The following RBM20 variants were observed in gnomAD, a reference collection of about 807,000 sequenced individuals.
RBM20 encodes RNA-binding protein 20.
A neutral mutation model predicts 110.1 loss-of-function variants in RBM20; 51 were observed. That is an observed-to-expected ratio of 0.46 (90% CI 0.37 to 0.59). The LOEUF is 0.59. Among genes scored for constraint, RBM20 ranks in the 20% least tolerant of loss-of-function variants. RBM20 has a pLI of 0.00. For synonymous variants in RBM20, 589 were observed against 618.2 expected (o/e 0.95, Z 0.70); for missense variants, 1,512 against 1,574.9 (o/e 0.96, Z 0.68).
intron 1 of RBM20, among the ~76,000 whole-genome samples, chr10:110,747,007 C>T (rs1843788691): frequency 6.6e-6 from 1 of 152,132 alleles, no homozygotes; most frequent in African/African-American, 2.4e-5. Flanking sequence ...AAACTGATAA[C>T]ATTTGATTAA....
chr10:110,667,985 T>A (rs1363116517), intron 1 of RBM20, among the ~76,000 whole-genome samples: 1 of 152,210 alleles, frequency 6.6e-6, no homozygotes, highest in Non-Finnish European at 1.5e-5. Flanking sequence ...CTTTTATTAA[T>A]AGAACATGCT....
intron 7 of RBM20, among the ~76,000 whole-genome samples, chr10:110,806,692 T>C (rs764379208): frequency 6.6e-6 from 1 of 152,208 alleles, no homozygotes; most frequent in Non-Finnish European, 1.5e-5. Context: ...AGATGGGTAA[T>C]GGATTCTTCG....
intron 1 of RBM20, among the ~76,000 whole-genome samples, chr10:110,768,741 C>CT (rs1230926193): frequency 6.6e-6 from 1 of 152,198 alleles, no homozygotes; most frequent in Non-Finnish European, 1.5e-5. Flanking sequence ...CCTCAAGGTG[C>CT]TTATAATTAG....
chr10:110,746,757 C>A (rs983948469), intron 1 of RBM20, among the ~76,000 whole-genome samples: 7 of 152,206 alleles, frequency 4.6e-5, no homozygotes, highest in Non-Finnish European at 1.0e-4. Context: ...TGGGAAATTT[C>A]TTCACCTCCC....
intron 1 of RBM20, among the ~76,000 whole-genome samples, chr10:110,660,890 C>G (rs1399726554): frequency 1.3e-5 from 2 of 152,162 alleles, no homozygotes; most frequent in African/African-American, 4.8e-5. Flanking sequence ...TTCCAAAAAA[C>G]TGGTCCCTGG....
chr10:110,747,301 G>T (rs181936486), intron 1 of RBM20, among the ~76,000 whole-genome samples: 8 of 150,802 alleles, frequency 5.3e-5, no homozygotes, highest in Non-Finnish European at 1.0e-4. Context: ...TTTTTTGGGG[G>T]GGGGGGTCAT....
intron 1 of RBM20, among the ~76,000 whole-genome samples, chr10:110,685,422 G>A (rs1862488816): frequency 1.3e-5 from 2 of 152,126 alleles, no homozygotes; most frequent in Non-Finnish European, 2.9e-5. Flanking sequence ...CTGTTCCTCT[G>A]TTGACAGCTG....
At chr10:110,721,545 C>T (rs1345248159) in intron 1 of RBM20, among the ~76,000 whole-genome samples, 2 of 152,124 alleles carry the variant, frequency 1.3e-5, no homozygotes, top group Admixed American at 6.5e-5. Context: ...GCATCGTCCT[C>T]CCAGCAGTAA....
chr10:110,721,823 C>T (rs1462758659), intron 1 of RBM20, among the ~76,000 whole-genome samples: 3 of 152,106 alleles, frequency 2.0e-5, no homozygotes, highest in Non-Finnish European at 2.9e-5. Context: ...TATTGCAGAA[C>T]CTTCCTCCTC....
intron 1 of RBM20, among the ~76,000 whole-genome samples, chr10:110,771,408 C>T (rs931377393): frequency 7.2e-5 from 11 of 152,144 alleles, no homozygotes; most frequent in Non-Finnish European, 1.0e-4. Flanking sequence ...GGATTACAGG[C>T]GTTAAGCCAC....
chr10:110,723,577 T>G (rs988255995), intron 1 of RBM20, among the ~76,000 whole-genome samples: 1 of 152,218 alleles, frequency 6.6e-6, no homozygotes, highest in African/African-American at 2.4e-5. Flanking sequence ...TTTTCCACAT[T>G]CTTGCAGCAC....
chr10:110,699,070 G>A (rs1319208344), intron 1 of RBM20, among the ~76,000 whole-genome samples: 1 of 152,128 alleles, frequency 6.6e-6, no homozygotes, highest in Non-Finnish European at 1.5e-5. Flanking sequence ...GGCCAGCCAA[G>A]TCATGCACAG....
At chr10:110,740,619 G>T (rs1265268323) in intron 1 of RBM20, among the ~76,000 whole-genome samples, 2 of 152,148 alleles carry the variant, frequency 1.3e-5, no homozygotes, top group African/African-American at 2.4e-5. Flanking sequence ...GGCTTGGTAG[G>T]GGTGGGGAAA....
At chr10:110,833,434 A>T (rs1312781513) in intron 13 of RBM20, among the ~76,000 whole-genome samples, 1 of 138,162 alleles carries the variant, frequency 7.2e-6, no homozygotes, top group Non-Finnish European at 1.5e-5. Context: ...CTCTCACCCT[A>T]CTCTTGTTTT....
chr10:110,668,221 C>T (rs1043733471), intron 1 of RBM20, among the ~76,000 whole-genome samples: 3 of 150,098 alleles, frequency 2.0e-5, no homozygotes, highest in African/African-American at 7.4e-5. Context: ...CCTGGAATTC[C>T]AGAGCTGTGT....
At chr10:110,732,899 G>C (rs1305761288) in intron 1 of RBM20, among the ~76,000 whole-genome samples, 2 of 152,128 alleles carry the variant, frequency 1.3e-5, no homozygotes, top group Non-Finnish European at 2.9e-5. Flanking sequence ...CCAGGCTGCA[G>C]AACCTGGAAA....
intron 1 of RBM20, among the ~76,000 whole-genome samples, chr10:110,749,276 T>C (rs1205973533): frequency 6.6e-6 from 1 of 152,232 alleles, no homozygotes; most frequent in Non-Finnish European, 1.5e-5. Context: ...CTTACCTCTT[T>C]TATTATATGT....
At chr10:110,678,781 A>G (rs1224615103) in intron 1 of RBM20, among the ~76,000 whole-genome samples, 2 of 152,186 alleles carry the variant, frequency 1.3e-5, no homozygotes, top group African/African-American at 4.8e-5. Flanking sequence ...TTCACTTCAT[A>G]TCTAATGAAG....
At chr10:110,658,333 G>T (rs1019048288) in intron 1 of RBM20, among the ~76,000 whole-genome samples, 14 of 152,280 alleles carry the variant, frequency 9.2e-5, no homozygotes, top group Middle Eastern at 6.8e-3. Context: ...GGGGGTGAGT[G>T]AATGGCGCTG....
Sources: allele counts gnomAD v4.1 joint callset (sites outside exome capture counted in the v4.1 genomes callset), GRCh38; gene constraint gnomAD v4.1.1; transcripts MANE v1.5; gene names NCBI Gene and HGNC (gene_info 2026-07-23, HGNC 2026-07-21).